Variants in UBAP2 observed in about 807,000 individuals in gnomAD.
UBAP2 encodes ubiquitin-associated protein 2.
In UBAP2, 75 loss-of-function variants were observed where a neutral mutation model predicts 139.6. The observed-to-expected ratio is 0.54, with a 90% CI of 0.45 to 0.65. The LOEUF is 0.65. UBAP2 is among the 30% of genes least tolerant of loss of function. UBAP2 has a pLI of 0.00. For synonymous variants in UBAP2, 526 were observed against 526.2 expected, an observed-to-expected ratio of 1.00 and a Z score of 0.01; for missense variants, 1,368 against 1,369.6, an observed-to-expected ratio of 1.00 and a Z score of 0.02.
intron 21 of UBAP2, 51 bp from the exon 22 acceptor site, chr9:33,926,715 G>A (rs1230898545): frequency 6.2e-7 from 1 of 1,602,388 alleles, no homozygotes; most frequent in African/African-American, 1.3e-5. Context: ...CACACCCTGG[G>A]AAGCCCAGGT....
chr9:34,015,132 A>C (rs952063274), intron 2 of UBAP2, among the ~76,000 whole-genome samples: 1 of 152,226 alleles, frequency 6.6e-6, no homozygotes, highest in Non-Finnish European at 1.5e-5. Context: ...AAGTAAGACA[A>C]ACTGGATATA....
rs1452153837 is a variant in UBAP2 at position 33,986,751 on chromosome 9, C to G, written c.520+9G>C. On this transcript the variant is annotated intron_variant, in intron 6 of 28. Transcript: ENST00000379238. ...TGAAAGCATTTTCTTCCCTCTTACT[C>G]TAGCTTACCTCTACCCCGGGCTCGC... is the stretch of plus-strand genomic sequence containing the variant. 6.2e-7 allele frequency: 1 copy of G among 1,611,702 alleles called. No homozygotes were observed. Among genetic ancestry groups the G allele is most frequent in the Non-Finnish European group, 8.5e-7 (1 of 1,178,062 alleles).
At chr9:33,977,192 C>T (rs1820207840) in intron 6 of UBAP2, among the ~76,000 whole-genome samples, 1 of 151,444 alleles carries the variant, frequency 6.6e-6, no homozygotes, top group Admixed American at 6.6e-5. Flanking sequence ...GTGCCTGCCA[C>T]CACGCCTGGC....
At chr9:33,996,144 C>A (rs1032057382) in intron 4 of UBAP2, 79 bp downstream of exon 4, 1 of 1,099,840 alleles carries the variant, frequency 9.1e-7, no homozygotes, top group African/African-American at 1.5e-5. Context: ...CATCCCTACC[C>A]CCAAACAAGG....
In UBAP2 at chr9:33,941,741, T is replaced by C. The variant is rs1262951881; in HGVS notation, c.1837A>G (p.Met613Val). The change falls in exon 16 of 29, where the codon ATG (methionine) becomes GTG (valine). Residue 613 changes from methionine to valine, a missense_variant. Transcript: ENST00000379238. The stretch of plus-strand genomic sequence containing the variant: ...GAACTCTGGTCATAAGAGGAAGACA[T>C]TGCTACTGGACTAGCAGAATTCAGT... ...SSLNSASPVA[M>V]SSSYDQSSVH... is the part of the protein sequence containing the mutation. The C allele has an allele frequency of 2.5e-6, 4 of 1,614,148 alleles. No homozygotes were observed. The highest frequency in any genetic ancestry group is 1.7e-5 in the Admixed American group (1 of 60,018).
intron 1 of UBAP2, among the ~76,000 whole-genome samples, chr9:34,021,109 AAT>A (rs1390792114): frequency 1.3e-5 from 2 of 152,228 alleles, no homozygotes; most frequent in African/African-American, 4.8e-5. Flanking sequence ...CATAAAATAA[AAT>A]AGAGGAGACT....
Position 33,965,311 on chromosome 9 carries a change from A to G in UBAP2, c.680-1520T>C, listed in dbSNP as rs1005630820. Among the ~76,000 whole-genome samples, 5 of 152,106 alleles carry G rather than the reference A, an allele frequency of 3.3e-5. No individual in the cohort carries two copies. In the East Asian group the frequency reaches 7.7e-4, roughly 23 times the overall value. On this transcript the variant is annotated intron_variant, in intron 8 of 28. Transcript: ENST00000379238. The stretch of plus-strand genomic sequence containing the variant: ...TGTTTTAGGGGGTTGTTTTCTTATT[A>G]CTGAATTGTGAGAGTTCTTTATTTA...
intron 13 of UBAP2, among the ~76,000 whole-genome samples, chr9:33,946,437 T>C (rs1378695494): frequency 1.3e-5 from 2 of 152,220 alleles, no homozygotes; most frequent in East Asian, 1.9e-4. Context: ...CATTTTGGCA[T>C]AGAGATCCAA....
intron 2 of UBAP2, among the ~76,000 whole-genome samples, chr9:33,999,676 C>T (rs1822516927): frequency 1.3e-5 from 2 of 151,652 alleles, no homozygotes; most frequent in Non-Finnish European, 2.9e-5. Context: ...GGATTACAGG[C>T]CTGAGCCACT....
At chr9:33,929,091 G>T (rs1338484908) in intron 19 of UBAP2, among the ~76,000 whole-genome samples, 3 of 152,190 alleles carry the variant, frequency 2.0e-5, no homozygotes, top group South Asian at 4.1e-4. Context: ...ACCAGGAGCG[G>T]GCCAAAGGAT....
chr9:34,002,802 C>T (rs1392239242), intron 2 of UBAP2, among the ~76,000 whole-genome samples: 1 of 151,970 alleles, frequency 6.6e-6, no homozygotes. Flanking sequence ...CTCCACCCCC[C>T]ATAATTTCCC....
At chr9:33,936,028 C>G in intron 16 of UBAP2, 150 bp from the exon 17 acceptor site, 2 of 962,718 alleles carry the variant, frequency 2.1e-6, no homozygotes, top group Non-Finnish European at 3.0e-6. Flanking sequence ...AAACAACAAA[C>G]TCTCATGCAA....
chr9:33,924,624 G>C (rs1184192942), intron 22 of UBAP2, among the ~76,000 whole-genome samples: 1 of 152,194 alleles, frequency 6.6e-6, no homozygotes, highest in Non-Finnish European at 1.5e-5. Flanking sequence ...TGAGAGACTA[G>C]AGCAGCTAGG....
chr9:34,021,833 CTTG>C (rs1449805611), intron 1 of UBAP2, among the ~76,000 whole-genome samples: 1 of 152,120 alleles, frequency 6.6e-6, no homozygotes, highest in Non-Finnish European at 1.5e-5. Context: ...GGGGTCTCAA[CTTG>C]TTGGTCAGGC....
At chr9:34,047,226 C>T (rs1319882085) in intron 1 of UBAP2, among the ~76,000 whole-genome samples, 5 of 152,140 alleles carry the variant, frequency 3.3e-5, no homozygotes, top group African/African-American at 4.8e-5. Flanking sequence ...TCTCGTCACA[C>T]GTATCAACTA....
At chr9:33,948,654 T>C (rs307654) in intron 12 of UBAP2, 67 bp from the exon 13 acceptor site, 792,513 of 1,308,368 alleles carry the variant, frequency 0.61, 243,019 homozygotes, top group East Asian at 0.8. Context: ...CTTTAAAACA[T>C]ATCAAGTATT....
At chr9:33,956,462 G>A (rs192535781) in intron 10 of UBAP2, among the ~76,000 whole-genome samples, 60 of 151,992 alleles carry the variant, frequency 3.9e-4, no homozygotes, top group African/African-American at 1.4e-3. Context: ...GGGCCTCCAG[G>A]CACGCACCAG....
intron 1 of UBAP2, among the ~76,000 whole-genome samples, chr9:34,037,299 A>G (rs1826521065): frequency 6.6e-6 from 1 of 151,586 alleles, no homozygotes; most frequent in African/African-American, 2.4e-5. Context: ...ACACACAGCT[A>G]ATTTTTGTAT....
In UBAP2 at chr9:33,928,073, C is replaced by T. The variant is rs915073658; in HGVS notation, c.2176-81G>A. Reference sequence around the variant, plus strand: ...GGGAGAGCCTGGCCTGGCGCTTGGGCCCAAGTCTCAAGGCTGAGCAGGCAG... The same window carrying T: ...GGGAGAGCCTGGCCTGGCGCTTGGGTCCAAGTCTCAAGGCTGAGCAGGCAG... On this transcript the variant is annotated intron_variant, in intron 19 of 28. Transcript: ENST00000379238. 4.8e-6 allele frequency: 7 copies of T among 1,449,120 alleles called. No individual in the cohort carries two copies. The African/African-American group carries it at 8.5e-5, about 18-fold the overall frequency. 89.8% of individuals were successfully genotyped at this position (1,449,120 alleles called of 1,614,324 possible). A position where few individuals can be genotyped will look rare whatever the true frequency, so the allele number is the denominator to read the frequency against.
Sources: allele counts gnomAD v4.1 joint callset (sites outside exome capture counted in the v4.1 genomes callset), GRCh38; gene constraint gnomAD v4.1.1; transcripts MANE v1.5; gene names NCBI Gene and HGNC (gene_info 2026-07-23, HGNC 2026-07-21).